PLA2G4B: variants seen among roughly 807,000 people sequenced by gnomAD.
The protein encoded by PLA2G4B is cytosolic phospholipase A2 beta.
Under a neutral mutation model 95.8 loss-of-function variants are expected in PLA2G4B, and 122 were observed. That is an observed-to-expected ratio of 1.27 (90% confidence interval 1.10 to 1.48). The LOEUF (loss-of-function observed/expected upper bound fraction) is 1.48, where lower values mean the gene tolerates loss of function less well. PLA2G4B is among the 40% of genes most tolerant of loss of function. The pLI, the probability that PLA2G4B is intolerant of heterozygous loss-of-function variation, is 0.00. For synonymous variants in PLA2G4B, 518 were observed against 421.5 expected, an observed-to-expected ratio of 1.23 and a Z score of -2.80; for missense variants, 1,158 against 996.2, an observed-to-expected ratio of 1.16 and a Z score of -2.19.
intron 13 of PLA2G4B, 49 bp downstream of exon 13, chr15:41,845,119 G>A: frequency 6.2e-7 from 1 of 1,602,788 alleles, no homozygotes; most frequent in East Asian, 2.2e-5. Flanking sequence ...GGCTGGAGCT[G>A]GGGCTCGGTG....
At position 41,845,793 on chromosome 15, in the gene PLA2G4B, G is replaced by A. The variant is rs1375479577; in HGVS notation, c.1495+18G>A. On this transcript the variant is annotated intron_variant, in intron 15 of 19. Transcript: ENST00000458483. ...CTTAGAAGGTGAGGGGCACTGGCAG[G>A]CTGGGGAAGCTGGGCCGAGCAGGGA... The A allele has an allele frequency of 6.4e-7, 1 of 1,574,134 alleles. No homozygotes were observed. The highest frequency in any genetic ancestry group is 2.2e-5 in the East Asian group (1 of 44,476).
intron 3 of PLA2G4B, 52 bp from the exon 4 acceptor site, chr15:41,840,722 T>A (rs557491550): frequency 6.2e-7 from 1 of 1,607,154 alleles, no homozygotes; most frequent in Non-Finnish European, 8.5e-7. Context: ...GCTGCCCTGC[T>A]CACCTTTCTG....
intron 18 of PLA2G4B, 36 bp from the exon 19 acceptor site, chr15:41,847,301 C>T (rs754625976): frequency 3.1e-5 from 48 of 1,563,524 alleles, no homozygotes; most frequent in Non-Finnish European, 4.0e-5. Flanking sequence ...TGCCAGGGGC[C>T]CTGTCCCTCT....
chr15:41,844,313 G>A lies in PLA2G4B; in HGVS notation c.880-158G>A, dbSNP rs147336034. ...GGAGGAGCTGGGCACTCAAAAGGCTGTTTCTGGCCCCCAGGGCTGACTGAG... is the reference window on the plus strand; with the variant it reads ...GGAGGAGCTGGGCACTCAAAAGGCTATTTCTGGCCCCCAGGGCTGACTGAG... On this transcript the variant is annotated intron_variant, in intron 11 of 19. Transcript: ENST00000458483. Among the ~76,000 whole-genome samples the A allele has an allele frequency of 1.1e-4, 17 of 152,320 alleles. No individual in the cohort carries two copies. In the East Asian group the frequency reaches 3.1e-3, roughly 28 times the overall value.
In PLA2G4B at chr15:41,843,747, A is replaced by G. The variant is rs2065480073; in HGVS notation, c.815A>G (p.Lys272Arg). Residue 272 changes from lysine to arginine, a missense_variant, in exon 11 of 20, where the codon AAG (lysine) becomes AGG (arginine). Physicochemically the swap from Lys to Arg is conservative, Grantham distance 26. Transcript: ENST00000458483. ...AEEQAFLSRR[K>R]QVVAAALRQA... ...GAGCAGGCCTTCCTGAGCAGGAGGAAGCAGGTGGTGGCCGCGGCCTTGAGG... is the reference window on the plus strand; with the variant it reads ...GAGCAGGCCTTCCTGAGCAGGAGGAGGCAGGTGGTGGCCGCGGCCTTGAGG... The G allele has an allele frequency of 6.2e-7, 1 of 1,614,066 alleles. No homozygotes were observed. The highest frequency in any genetic ancestry group is 8.5e-7 in the Non-Finnish European group (1 of 1,180,006).
chr15:41,846,753 C>T lies in PLA2G4B; in HGVS notation c.1865C>T (p.Thr622Ile), dbSNP rs778598975. ...CTGGATGTTGGCTACCTCATCAATA[C>T]CAGCTGCCTGCCCCTCCTGCAGCCC... ...CLLDVGYLIN[T>I]SCLPLLQPTR... is the part of the protein sequence containing the mutation. The change falls in exon 18 of 20, where the codon ACC (threonine) becomes ATC (isoleucine). Residue 622 changes from threonine to isoleucine, a missense_variant. Thr to Ile is a moderately conservative substitution (Grantham distance 89). Coordinates refer to ENST00000458483, the MANE Select transcript of PLA2G4B (RefSeq NM_001114633.2). 1 of 1,614,046 alleles carries T rather than the reference C, an allele frequency of 6.2e-7. No homozygotes were observed. The highest frequency in any genetic ancestry group is 1.1e-5 in the South Asian group (1 of 91,080).
intron 9 of PLA2G4B, 117 bp downstream of exon 9, chr15:41,842,393 C>G: frequency 1.3e-6 from 2 of 1,544,898 alleles, no homozygotes; most frequent in Non-Finnish European, 1.7e-6. Context: ...GGTGCTGGGG[C>G]CAGGCTCTTT....
Position 41,842,588 on chromosome 15 carries a change from C to G in PLA2G4B, c.740C>G (p.Ala247Gly). 1 of 1,607,034 alleles carries G rather than the reference C, an allele frequency of 6.2e-7. No individual in the cohort carries two copies. Among genetic ancestry groups the G allele is most frequent in the East Asian group, 2.2e-5 (1 of 44,798 alleles). The stretch of plus-strand genomic sequence containing the variant: ...ATGAGAGTGGAGCTGAAAAAAGAAG[C>G]AGGGTGAGAGGCCTGGCTGGGGACT... ...PLMRVELKKE[A>G]GLRELAVRLG... The change falls in exon 10 of 20, where the codon GCA becomes GGA. Residue 247 changes from alanine (A) to glycine (G), a missense_variant. Transcript: ENST00000458483.
In PLA2G4B at chr15:41,840,903, C is replaced by G. The variant is rs762557619; in HGVS notation, c.349C>G (p.Gln117Glu). The G allele has an allele frequency of 6.2e-7, 1 of 1,612,464 alleles. No homozygotes were observed. The highest frequency in any genetic ancestry group is 1.7e-5 in the Admixed American group (1 of 59,932). Reference protein sequence around the residue: ...FRRESFSLSPQGEGRLEVEFR... With the variant: ...FRRESFSLSPEGEGRLEVEFR... ...GCGCGAGAGCTTCTCACTGAGCCCT[C>G]AGGCAAGGCGGTGTTTCCACGGCAG... The change falls in exon 4 of 20, where the codon CAG (glutamine) becomes GAG (glutamate). Residue 117 changes from glutamine to glutamate, a missense_variant and splice_region_variant. Coordinates refer to ENST00000458483, the MANE Select transcript of PLA2G4B (RefSeq NM_001114633.2).
At chr15:41,841,712 G>T in intron 7 of PLA2G4B, 107 bp from the exon 8 acceptor site, 1 of 1,568,908 alleles carries the variant, frequency 6.4e-7, no homozygotes, top group South Asian at 1.2e-5. Flanking sequence ...ATCTCCACCA[G>T]ACCATTTCAG....
chr15:41,846,712 G>GC lies in PLA2G4B; in HGVS notation c.1828dup (p.His610ProfsTer190), dbSNP rs758062533. ...TCCCCAACCAGCTGACACCCTCGGAGCCCCACCTGTGCCTGCTGGATGTTG... is the reference window on the plus strand; with the variant it reads ...TCCCCAACCAGCTGACACCCTCGGAGCCCCCACCTGTGCCTGCTGGATGTTG... On this transcript the variant is annotated frameshift_variant, in exon 18 of 20. Transcript: ENST00000458483. LOFTEE classifies it high-confidence loss of function. 7.3e-5 allele frequency: 118 copies of GC among 1,613,674 alleles called. No individual in the cohort carries two copies. Among genetic ancestry groups the GC allele is most frequent in the Non-Finnish European group, 9.3e-5 (110 of 1,179,874 alleles).
Position 41,845,262 on chromosome 15 carries a change from G to A in PLA2G4B, c.1299G>A (p.Leu433=). 6.2e-7 allele frequency: 1 copy of A among 1,614,148 alleles called. No homozygotes were observed. ...CCCTGAGTCATGGCCAGAACCCTCT[G>A]CCCATCTACTGTGCCCTCAACACCA... ...REALSHGQNP[L]PIYCALNTKG... is the part of the protein sequence containing the mutation. The change falls in exon 14 of 20, where the codon CTG becomes CTA. Residue 433 remains leucine, a synonymous_variant. Coordinates refer to ENST00000458483, the MANE Select transcript of PLA2G4B (RefSeq NM_001114633.2).
At chr15:41,844,722 A>C in intron 12 of PLA2G4B, 115 bp downstream of exon 12, 2 of 1,571,480 alleles carry the variant, frequency 1.3e-6, no homozygotes, top group Non-Finnish European at 1.7e-6. Flanking sequence ...TGCCAGGGAG[A>C]AACGTGCTCA....
At chr15:41,845,556 T>C in intron 14 of PLA2G4B, 82 bp from the exon 15 acceptor site, 2 of 1,574,828 alleles carry the variant, frequency 1.3e-6, no homozygotes, top group Non-Finnish European at 8.6e-7. Context: ...TCAGCTGCCC[T>C]AAAGCAAAAC....
In PLA2G4B at chr15:41,847,824, G is replaced by A; in HGVS notation, c.2310G>A (p.Gln770=). The change falls in exon 20 of 20, where the codon CAG becomes CAA. Residue 770 remains glutamine, a synonymous_variant. Transcript: ENST00000458483. ...AGCAGCTGCTGGAGGCTCTGCGCCAGGCAGTGCAGCGGAGGCGGCAGCGCA... is the reference window on the plus strand; with the variant it reads ...AGCAGCTGCTGGAGGCTCTGCGCCAAGCAGTGCAGCGGAGGCGGCAGCGCA... The part of the protein sequence containing the change: ...NQEQLLEALR[Q]AVQRRRQRRP... 1 of 1,612,932 alleles carries A rather than the reference G, an allele frequency of 6.2e-7. No homozygotes were observed.
Position 41,844,462 on chromosome 15 carries a change from C to T in PLA2G4B, c.880-9C>T. The T allele has an allele frequency of 6.2e-7, 1 of 1,613,898 alleles. No homozygotes were observed. Among genetic ancestry groups the T allele is most frequent in the Non-Finnish European group, 8.5e-7 (1 of 1,180,024 alleles). ...GGGCCTCTACAGGCCTGGCTCTCTTCTTTTCCAGATCCCAGTGGTAGCTAT... is the reference window on the plus strand; with the variant it reads ...GGGCCTCTACAGGCCTGGCTCTCTTTTTTTCCAGATCCCAGTGGTAGCTAT... On this transcript the variant is annotated splice_polypyrimidine_tract_variant and intron_variant, in intron 11 of 19. Coordinates refer to ENST00000458483, the MANE Select transcript of PLA2G4B (RefSeq NM_001114633.2).
intron 19 of PLA2G4B, 21 bp from the exon 20 acceptor site, chr15:41,847,628 C>G (rs191102295): frequency 6.2e-7 from 1 of 1,613,558 alleles, no homozygotes; most frequent in East Asian, 2.2e-5. Flanking sequence ...TTCCCCATGC[C>G]AGGCTGCACT....
intron 10 of PLA2G4B, chr15:41,843,020 A>G (rs115485251): frequency 0.011 from 1,858 of 173,494 alleles, 29 homozygotes; most frequent in African/African-American, 0.043. Flanking sequence ...CTGTCTTGAG[A>G]GAGTGGCTTC....
At chr15:41,846,503 A>G in intron 17 of PLA2G4B, 121 bp downstream of exon 17, 2 of 1,505,532 alleles carry the variant, frequency 1.3e-6, no homozygotes, top group Non-Finnish European at 1.8e-6. Context: ...ACTACTTGGA[A>G]CAGGGGTCTT....
Sources: allele counts gnomAD v4.1 joint callset (sites outside exome capture counted in the v4.1 genomes callset), GRCh38; gene constraint gnomAD v4.1.1; transcripts MANE v1.5; gene names NCBI Gene and HGNC (gene_info 2026-07-23, HGNC 2026-07-21).